Variants in TTC6 observed in about 807,000 individuals in gnomAD.
TTC6 encodes the protein tetratricopeptide repeat domain 6.
Under a neutral mutation model 210.4 loss-of-function variants are expected in TTC6, and 172 were observed. That is an observed-to-expected ratio of 0.82 (90% CI 0.72 to 0.93). The LOEUF is 0.93. Among genes scored for constraint, TTC6 ranks in the 40% least tolerant of loss-of-function variants. The pLI, the probability that TTC6 is intolerant of heterozygous loss-of-function variation, is 0.00. For synonymous variants in TTC6, 804 were observed against 819.6 expected (o/e 0.98, Z 0.32); for missense variants, 2,414 against 2,318.1 (o/e 1.04, Z -0.85).
chr14:37,612,105 A>G (rs978655850), intron 2 of TTC6, among the ~76,000 whole-genome samples: 4 of 152,226 alleles, frequency 2.6e-5, no homozygotes, highest in Non-Finnish European at 4.4e-5. Flanking sequence ...CAGTTGTACA[A>G]TGTACAAGGT....
intron 1 of TTC6, among the ~76,000 whole-genome samples, chr14:37,656,515 G>A (rs1286245608): frequency 7.8e-4 from 5 of 6,398 alleles, no homozygotes; most frequent in Non-Finnish European, 6.5e-4. Context: ...GTGTGTGTGC[G>A]TGTGTGTGTG....
intron 14 of TTC6, among the ~76,000 whole-genome samples, chr14:37,754,074 T>A (rs376406381): frequency 6.6e-5 from 10 of 152,300 alleles, no homozygotes; most frequent in African/African-American, 9.6e-5. Flanking sequence ...AATCATTTTT[T>A]AAAATATTAT....
In TTC6 at chr14:37,633,535, C is replaced by T. The variant is rs554552053; in HGVS notation, c.939+10532C>T. 8.5e-4 allele frequency among the ~76,000 whole-genome samples: 129 copies of T among 152,302 alleles called. 2 individuals are homozygous for T. In the Middle Eastern group the frequency reaches 0.048, roughly 56 times the overall value. On this transcript the variant is annotated intron_variant, in intron 1 of 30. Coordinates refer to ENST00000553443, the Ensembl canonical transcript of TTC6. ...AATCACCTGCCTACTGCATTGATCT[C>T]GCTGGGAGCTGCAGACCGGAGCTGT...
intron 1 of TTC6, among the ~76,000 whole-genome samples, chr14:37,667,498 C>A (rs186090514): frequency 6.6e-6 from 1 of 150,618 alleles, no homozygotes; most frequent in Non-Finnish European, 1.5e-5. Context: ...AGTAACTCTC[C>A]ATTACTCATG....
chr14:37,657,162 C>T (rs2095725526), intron 1 of TTC6, among the ~76,000 whole-genome samples: 1 of 128,862 alleles, frequency 7.8e-6, no homozygotes, highest in Non-Finnish European at 1.6e-5. Flanking sequence ...CAGTGAGTCG[C>T]GATTGCGCAG....
rs1184007183 is a variant in TTC6 at position 37,736,019 on chromosome 14, A to G, written c.1908+9A>G. 9 of 1,442,404 alleles carry G rather than the reference A, an allele frequency of 6.2e-6. No individual in the cohort carries two copies. The highest frequency in any genetic ancestry group is 8.5e-6 in the Non-Finnish European group (9 of 1,064,872). The allele number at this position is 1,442,404 out of a possible 1,614,324, so 89.4% of individuals were successfully genotyped here. A position where few individuals can be genotyped will look rare whatever the true frequency, so the allele number is the denominator to read the frequency against. On this transcript the variant is annotated intron_variant, in intron 8 of 30. Transcript: ENST00000553443. ...GCAGAACAAATTTTTGGGTATGTAC[A>G]ATTTTTGTTCTTAATTAGGATTGTT...
chr14:37,793,935 A>T (rs2096086306), intron 17 of TTC6, among the ~76,000 whole-genome samples: 1 of 152,194 alleles, frequency 6.6e-6, no homozygotes, highest in South Asian at 2.1e-4. Context: ...TGTGTACAAT[A>T]CGATTCCATG....
intron 6 of TTC6, among the ~76,000 whole-genome samples, chr14:37,717,757 A>AAAAG (rs531684744): frequency 0.012 from 1,828 of 152,146 alleles, 33 homozygotes; most frequent in African/African-American, 0.03. Flanking sequence ...AAAAAAACAA[A>AAAAG]AAAGAAAGAA....
At position 37,598,216 on chromosome 14, in the gene TTC6, T is replaced by G. The variant is rs889314737; in HGVS notation, c.-235+2208T>G. Among the ~76,000 whole-genome samples, 2 of 152,124 alleles carry G rather than the reference T, an allele frequency of 1.3e-5. No individual in the cohort carries two copies. The highest frequency in any genetic ancestry group is 4.8e-5 in the African/African-American group (2 of 41,434). ...TCGTTGGAGGAAACCAGGCCTGTCT[T>G]CAGCTGTGGGGAGGATGGGTGGACT... On this transcript the variant is annotated intron_variant, in intron 1 of 2. Transcript: ENST00000556845. This position sits in a 1 kb window ranked among gnomAD's most constrained non-coding sequence, Gnocchi z 4.9.
intron 1 of TTC6, among the ~76,000 whole-genome samples, chr14:37,655,242 T>C (rs2095719905): frequency 6.6e-6 from 1 of 152,184 alleles, no homozygotes; most frequent in Non-Finnish European, 1.5e-5. Flanking sequence ...AAAACATAAA[T>C]TGATAAATAT....
intron 23 of TTC6, among the ~76,000 whole-genome samples, chr14:37,808,270 T>C (rs2096122718): frequency 6.6e-6 from 1 of 152,092 alleles, no homozygotes; most frequent in East Asian, 1.9e-4. Flanking sequence ...TCTACAGAAA[T>C]GGGTGATATA....
intron 14 of TTC6, among the ~76,000 whole-genome samples, chr14:37,782,372 T>G (rs2096057230): frequency 6.6e-6 from 1 of 152,196 alleles, no homozygotes; most frequent in Non-Finnish European, 1.5e-5. Context: ...CCTAGGTATT[T>G]TATTCTCTTT....
At chr14:37,769,548 G>A (rs1211380925) in intron 14 of TTC6, among the ~76,000 whole-genome samples, 3 of 152,168 alleles carry the variant, frequency 2.0e-5, no homozygotes, top group Non-Finnish European at 4.4e-5. Context: ...TATGTGTCGA[G>A]GCATTTATCC....
chr14:37,748,677 C>T (rs968792158), intron 10 of TTC6, among the ~76,000 whole-genome samples: 9 of 151,982 alleles, frequency 5.9e-5, no homozygotes, highest in African/African-American at 9.7e-5. Flanking sequence ...AAATTAAACT[C>T]GAAAGGCACA....
intron 14 of TTC6, among the ~76,000 whole-genome samples, chr14:37,768,932 G>T (rs2096008145): frequency 6.6e-6 from 1 of 151,128 alleles, no homozygotes; most frequent in Non-Finnish European, 1.5e-5. Flanking sequence ...GATATTGGCT[G>T]TGGGTTTGTC....
exon 13 of TTC6, chr14:37,751,122 C>A (rs1354249380): frequency 1.3e-6 from 2 of 1,532,288 alleles, no homozygotes; most frequent in East Asian, 2.5e-5. Context: ...CTAAACTATA[C>A]CCAGGCAATT....
At chr14:37,701,957 A>C (rs940172824) in intron 5 of TTC6, among the ~76,000 whole-genome samples, 1 of 152,086 alleles carries the variant, frequency 6.6e-6, no homozygotes, top group Non-Finnish European at 1.5e-5. Context: ...TCACATACAA[A>C]AGTCATTGCT....
chr14:37,787,455 T>A lies in TTC6; in HGVS notation c.3267-13T>A, dbSNP rs755454199. The A allele has an allele frequency of 3.4e-6, 5 of 1,479,326 alleles. No homozygotes were observed. The highest frequency in any genetic ancestry group is 9.0e-7 in the Non-Finnish European group (1 of 1,112,872). 91.6% of individuals were successfully genotyped at this position (1,479,326 alleles called of 1,614,324 possible). ...CTTTACAGTACTTGTTAAAACAAACTTTTTTTTCCTAGGACATACCGAGGG... is the reference window on the plus strand; with the variant it reads ...CTTTACAGTACTTGTTAAAACAAACATTTTTTTCCTAGGACATACCGAGGG... On this transcript the variant is annotated splice_polypyrimidine_tract_variant and intron_variant, in intron 14 of 30. Coordinates refer to ENST00000553443, the Ensembl canonical transcript of TTC6.
At chr14:37,606,864 G>A (rs2095626117) in intron 2 of TTC6, 122 bp downstream of exon 2, 1 of 772,716 alleles carries the variant, frequency 1.3e-6, no homozygotes, top group East Asian at 1.3e-4. Context: ...TGTGGTGGCT[G>A]GTTTCTACAG....
Sources: allele counts gnomAD v4.1 joint callset (sites outside exome capture counted in the v4.1 genomes callset), GRCh38; gene constraint gnomAD v4.1.1; non-coding constraint Gnocchi (gnomAD v3.1); transcripts MANE v1.5; gene names NCBI Gene and HGNC (gene_info 2026-07-23, HGNC 2026-07-21).